Variants in RBFOX1 observed in about 807,000 individuals in gnomAD.
RBFOX1 encodes RNA binding fox-1 homolog 1, also known as RNA binding protein fox-1 homolog 1.
A neutral mutation model predicts 57.7 loss-of-function variants in RBFOX1; 8 were observed. That is an observed-to-expected ratio of 0.14 (90% CI 0.08 to 0.25). The LOEUF is 0.25. Among genes scored for constraint, RBFOX1 ranks in the 10% least tolerant of loss-of-function variants. RBFOX1 has a pLI of 1.00. For missense variants in RBFOX1, 611 were observed against 548.5 expected (o/e 1.11, Z -1.14); for synonymous variants, 326 against 222.4 (o/e 1.47, Z -4.15).
intron 2 of RBFOX1, among the ~76,000 whole-genome samples, chr16:6,648,435 G>T (rs771283668): frequency 6.6e-6 from 1 of 152,026 alleles, no homozygotes; most frequent in African/African-American, 2.4e-5. Context: ...CCTTATGTGC[G>T]GATGAGGGAA....
intron 3 of RBFOX1, among the ~76,000 whole-genome samples, chr16:5,654,458 T>G (rs1236419637): frequency 1.3e-5 from 2 of 152,190 alleles, no homozygotes; most frequent in East Asian, 1.9e-4. Context: ...TTGTGGAGGT[T>G]GGGAAGGAAC....
intron 5 of RBFOX1, among the ~76,000 whole-genome samples, chr16:7,536,191 A>T (rs1036441010): frequency 2.0e-5 from 3 of 152,254 alleles, no homozygotes; most frequent in Non-Finnish European, 4.4e-5. Flanking sequence ...TTACATTTGC[A>T]AAAACTTCTG....
chr16:6,977,219 C>G (rs1011635362), intron 3 of RBFOX1, among the ~76,000 whole-genome samples: 7 of 141,370 alleles, frequency 5.0e-5, no homozygotes, highest in African/African-American at 1.9e-4. Context: ...TATATATTAT[C>G]ATATAATCAT....
At chr16:7,153,215 A>G (rs984578323) in intron 4 of RBFOX1, among the ~76,000 whole-genome samples, 6 of 151,960 alleles carry the variant, frequency 3.9e-5, no homozygotes, top group East Asian at 1.9e-4. Flanking sequence ...AAATTCTGCA[A>G]TAACTCAACT....
intron 4 of RBFOX1, among the ~76,000 whole-genome samples, chr16:5,906,727 CTTT>C (rs57589514): frequency 7.0e-5 from 5 of 71,486 alleles, no homozygotes; most frequent in African/African-American, 2.7e-4. Flanking sequence ...ATCCTAGATT[CTTT>C]TTTTTTTTTT....
chr16:5,902,046 T>C (rs538462465), intron 4 of RBFOX1, among the ~76,000 whole-genome samples: 12 of 152,342 alleles, frequency 7.9e-5, no homozygotes, highest in Non-Finnish European at 4.4e-5. Context: ...ATAACGTGGA[T>C]GGGGTTCAAT....
chr16:5,586,479 A>G (rs1055587442), intron 2 of RBFOX1, among the ~76,000 whole-genome samples: 19 of 152,108 alleles, frequency 1.2e-4, no homozygotes, highest in African/African-American at 3.9e-4. Flanking sequence ...AACTATTGCT[A>G]TTATTATCCC....
chr16:6,908,134 G>C (rs2070559555), intron 3 of RBFOX1, among the ~76,000 whole-genome samples: 1 of 151,758 alleles, frequency 6.6e-6, no homozygotes, highest in Non-Finnish European at 1.5e-5. Flanking sequence ...GTTTTGGAGG[G>C]AAACAATTCA....
intron 4 of RBFOX1, among the ~76,000 whole-genome samples, chr16:7,222,668 C>T (rs1452550320): frequency 6.6e-6 from 1 of 152,150 alleles, no homozygotes; most frequent in East Asian, 1.9e-4. Context: ...CTCTTTGTTC[C>T]TTATAAGGTT....
chr16:5,849,753 C>A (rs1417994850), intron 3 of RBFOX1, among the ~76,000 whole-genome samples: 2 of 152,100 alleles, frequency 1.3e-5, no homozygotes, highest in African/African-American at 4.8e-5. Flanking sequence ...CCCTGCAGCT[C>A]CTGTATGATC....
chr16:6,434,002 C>G (rs1245433559), intron 2 of RBFOX1, among the ~76,000 whole-genome samples: 1 of 152,012 alleles, frequency 6.6e-6, no homozygotes, highest in East Asian at 1.9e-4. Flanking sequence ...CATGCACCAC[C>G]AAACCTGGCT....
At chr16:7,518,410 C>A in intron 5 of RBFOX1, 21 bp downstream of exon 5, 3 of 1,596,206 alleles carry the variant, frequency 1.9e-6, no homozygotes, top group Non-Finnish European at 1.7e-6. Context: ...GTGTTTGCTA[C>A]GGGTGGGAGG....
At chr16:5,242,551 G>A (rs2001556) in intron 1 of RBFOX1, among the ~76,000 whole-genome samples, 44,768 of 152,062 alleles carry the variant, frequency 0.29, 7,089 homozygotes, top group South Asian at 0.42. Flanking sequence ...AGAATCAGCA[G>A]CGATTTCTTT....
Position 7,663,532 on chromosome 16 carries a change from T to C in RBFOX1, c.891-1397T>C, listed in dbSNP as rs900507436. On this transcript the variant is annotated intron_variant, in intron 12 of 15. Transcript: ENST00000550418. ...GTGTGTGTGTGTGTGTGTGTGTGTG[T>C]TGTAAAATGCCTTCCCTTGGCTCAA... is the stretch of plus-strand genomic sequence containing the variant. 4.3e-4 allele frequency among the ~76,000 whole-genome samples: 64 copies of C among 150,512 alleles called. 1 individual carries two copies. Among genetic ancestry groups the C allele is most frequent in the South Asian group, 2.1e-4 (1 of 4,720 alleles).
At chr16:6,030,001 C>A (rs1214619603) in intron 1 of RBFOX1, among the ~76,000 whole-genome samples, 4 of 152,152 alleles carry the variant, frequency 2.6e-5, no homozygotes, top group African/African-American at 9.7e-5. Flanking sequence ...TCAACCTCTG[C>A]CTCCTGGACT....
At chr16:6,068,784 A>G (rs2095799141) in intron 1 of RBFOX1, among the ~76,000 whole-genome samples, 1 of 152,096 alleles carries the variant, frequency 6.6e-6, no homozygotes, top group Non-Finnish European at 1.5e-5. Context: ...AGCTCTGGAA[A>G]ACTTTCTAAT....
chr16:5,553,489 G>T (rs1473189288), intron 2 of RBFOX1, among the ~76,000 whole-genome samples: 1 of 151,778 alleles, frequency 6.6e-6, no homozygotes, highest in Admixed American at 6.6e-5. Flanking sequence ...CTAATTTTTT[G>T]TATTTTTAGT....
chr16:6,479,645 C>G (rs1406595384), intron 2 of RBFOX1, among the ~76,000 whole-genome samples: 1 of 152,128 alleles, frequency 6.6e-6, no homozygotes, highest in African/African-American at 2.4e-5. Context: ...AACTCACCCA[C>G]TATCATGAGA....
intron 3 of RBFOX1, among the ~76,000 whole-genome samples, chr16:5,605,190 A>G (rs2047526144): frequency 1.3e-5 from 2 of 152,284 alleles, no homozygotes; most frequent in Admixed American, 1.3e-4. Context: ...AATGTTGAAG[A>G]AAGAGATGGG....
Sources: allele counts gnomAD v4.1 joint callset (sites outside exome capture counted in the v4.1 genomes callset), GRCh38; gene constraint gnomAD v4.1.1; transcripts MANE v1.5; gene names NCBI Gene and HGNC (gene_info 2026-07-23, HGNC 2026-07-21).